The following LHPP variants were observed in gnomAD, a reference collection of about 807,000 sequenced individuals.
The protein encoded by LHPP is hLHPP.
Under a neutral mutation model 30.3 loss-of-function variants are expected in LHPP, and 24 were observed. That is an observed-to-expected ratio of 0.79 (90% confidence interval 0.57 to 1.11). The LOEUF is 1.11. Ranked by LOEUF, LHPP falls within the 50% of genes most tolerant of loss-of-function variation. LHPP has a pLI of 0.00. For synonymous variants in LHPP, 150 were observed against 157.1 expected, an observed-to-expected ratio of 0.95 and a Z score of 0.34; for missense variants, 356 against 367.2, an observed-to-expected ratio of 0.97 and a Z score of 0.25.
chr10:124,558,356 C>T (rs1179139571), intron 6 of LHPP, among the ~76,000 whole-genome samples: 1 of 152,254 alleles, frequency 6.6e-6, no homozygotes, highest in Non-Finnish European at 1.5e-5. Flanking sequence ...CTATGCACAG[C>T]CCTTACGAGA....
At position 124,582,682 on chromosome 10, in the gene LHPP, A is replaced by G. The variant is rs146116856; in HGVS notation, c.717-30582A>G. 5.3e-3 allele frequency among the ~76,000 whole-genome samples: 811 copies of G among 152,280 alleles called. 6 individuals are homozygous for G. Among genetic ancestry groups the G allele is most frequent in the African/African-American group, 0.019 (791 of 41,556 alleles). ...GTATTACACCCTATATTCTTACAAT[A>G]AAGGAAGCCAGAGAAAAGAAAATTT... On this transcript the variant is annotated intron_variant, in intron 6 of 6. Transcript: ENST00000368842.
rs545940447 is a variant in LHPP, at chr10:124,579,087, G to A, written c.717-34177G>A. Among the ~76,000 whole-genome samples, 137 of 152,320 alleles carry A rather than the reference G, an allele frequency of 9.0e-4. 1 individual carries two copies. The highest frequency in any genetic ancestry group is 2.8e-3 in the African/African-American group (118 of 41,572). ...AAGTGGCTCTAAGGCAGGTCTTCCC[G>A]GTTACCAGCAAGCAGATACATGTTG... On this transcript the variant is annotated intron_variant, in intron 6 of 6. Coordinates refer to ENST00000368842, the MANE Select transcript of LHPP (RefSeq NM_022126.4).
chr10:124,492,586 T>C (rs373792624), intron 3 of LHPP, among the ~76,000 whole-genome samples: 14 of 152,348 alleles, frequency 9.2e-5, no homozygotes, highest in African/African-American at 3.1e-4. Context: ...CTCCTCCTAG[T>C]TCACCGATTT....
chr10:124,607,687 T>TC (rs1308031831), intron 6 of LHPP, among the ~76,000 whole-genome samples: 1 of 151,944 alleles, frequency 6.6e-6, no homozygotes. Flanking sequence ...TGGGGGCCAG[T>TC]CCCCCGGGGG....
chr10:124,606,844 G>A (rs1259558462), intron 6 of LHPP, among the ~76,000 whole-genome samples: 1 of 152,196 alleles, frequency 6.6e-6, no homozygotes, highest in Non-Finnish European at 1.5e-5. Context: ...ACAGAACCGT[G>A]GGGGCAGCCC....
chr10:124,491,882 G>A (rs1049919109), intron 3 of LHPP, among the ~76,000 whole-genome samples: 3 of 152,198 alleles, frequency 2.0e-5, no homozygotes, highest in African/African-American at 4.8e-5. Flanking sequence ...TCAAGACTGC[G>A]CCATTGCACT....
chr10:124,587,973 C>T (rs1948827614), intron 6 of LHPP, among the ~76,000 whole-genome samples: 1 of 152,118 alleles, frequency 6.6e-6, no homozygotes, highest in Admixed American at 6.5e-5. Flanking sequence ...GGCTGAAGGC[C>T]GTGATAAACA....
chr10:124,525,564 G>T (rs561398580), intron 6 of LHPP, among the ~76,000 whole-genome samples: 21 of 152,354 alleles, frequency 1.4e-4, no homozygotes, highest in Admixed American at 1.4e-3. Context: ...CCTCCTGAGA[G>T]AGTGGGGAGG....
At chr10:124,546,170 A>G (rs10901757) in intron 6 of LHPP, 82,706 of 152,278 alleles carry the variant, frequency 0.54, 23,086 homozygotes, top group East Asian at 0.79. Flanking sequence ...CCGCCTCTCC[A>G]AGACCATCCC....
intron 6 of LHPP, among the ~76,000 whole-genome samples, chr10:124,529,822 C>T (rs1954845502): frequency 2.0e-5 from 3 of 151,580 alleles, no homozygotes; most frequent in Non-Finnish European, 4.4e-5. Flanking sequence ...CGCACACACA[C>T]ACACACACAC....
chr10:124,506,265 C>T (rs1445547789), intron 5 of LHPP, among the ~76,000 whole-genome samples: 2 of 104,098 alleles, frequency 1.9e-5, no homozygotes, highest in South Asian at 4.1e-4. Context: ...AACAACAAAC[C>T]CCCCCCCCAC....
chr10:124,543,984 G>A (rs1041430596), intron 6 of LHPP, among the ~76,000 whole-genome samples: 4 of 152,246 alleles, frequency 2.6e-5, no homozygotes, highest in African/African-American at 9.6e-5. Context: ...CTCATACCCA[G>A]AGTTGCCGGC....
At chr10:124,598,781 T>C (rs1018712370) in intron 6 of LHPP, among the ~76,000 whole-genome samples, 8 of 150,808 alleles carry the variant, frequency 5.3e-5, no homozygotes, top group Admixed American at 1.3e-4. Context: ...TCATCCACCC[T>C]GATGCAGCGC....
At chr10:124,515,985 T>C (rs974508465) in intron 5 of LHPP, among the ~76,000 whole-genome samples, 2 of 152,242 alleles carry the variant, frequency 1.3e-5, no homozygotes, top group African/African-American at 4.8e-5. Flanking sequence ...TGATTCCCTG[T>C]CCTGTGGACT....
chr10:124,583,232 T>C (rs1259728429), intron 6 of LHPP, among the ~76,000 whole-genome samples: 1 of 152,224 alleles, frequency 6.6e-6, no homozygotes, highest in Non-Finnish European at 1.5e-5. Flanking sequence ...TCTGAAGCCA[T>C]GTAGATTTAC....
At chr10:124,601,072 G>A (rs760613225) in intron 6 of LHPP, among the ~76,000 whole-genome samples, 48 of 152,212 alleles carry the variant, frequency 3.2e-4, no homozygotes, top group Non-Finnish European at 6.2e-4. Flanking sequence ...TCCTGGAGGA[G>A]GTGACTTGTT....
chr10:124,558,524 T>C (rs1948340252), intron 6 of LHPP, among the ~76,000 whole-genome samples: 1 of 152,172 alleles, frequency 6.6e-6, no homozygotes, highest in South Asian at 2.1e-4. Context: ...GTGTGTGCCC[T>C]TGTGTCGCTG....
chr10:124,545,630 C>T (rs1269180795), intron 6 of LHPP, among the ~76,000 whole-genome samples: 2 of 150,910 alleles, frequency 1.3e-5, no homozygotes, highest in Non-Finnish European at 2.9e-5. Flanking sequence ...GCATGAAAGG[C>T]CCAGCGGGTG....
chr10:124,505,510 A>C (rs1954037706), intron 5 of LHPP, among the ~76,000 whole-genome samples: 1 of 152,160 alleles, frequency 6.6e-6, no homozygotes, highest in Admixed American at 6.5e-5. Context: ...TCCAATTTTC[A>C]TTTTAACCTT....
Sources: gnomAD v4.1 joint callset for allele counts (sites outside exome capture counted in the v4.1 genomes callset) on GRCh38, gnomAD v4.1.1 for gene constraint, MANE v1.5 for transcripts, NCBI Gene and HGNC (gene_info 2026-07-23, HGNC 2026-07-21) for gene names.